The following CCDC187 variants were observed in gnomAD, a reference collection of about 807,000 sequenced individuals.
CCDC187 encodes coiled-coil domain-containing protein 187.
Under a neutral mutation model 38.0 loss-of-function variants are expected in CCDC187, and 32 were observed. The observed-to-expected ratio is 0.84, with a 90% CI of 0.64 to 1.13. The LOEUF (loss-of-function observed/expected upper bound fraction) is 1.13, where lower values mean the gene tolerates loss of function less well. CCDC187 is among the 50% of genes most tolerant of loss of function. The pLI, the probability that CCDC187 is intolerant of heterozygous loss-of-function variation, is 0.00. For synonymous variants in CCDC187, 333 were observed against 347.9 expected (o/e 0.96, Z 0.48); for missense variants, 707 against 786.8 (o/e 0.90, Z 1.21).
At chr9:136,293,393 A>C (rs1266636547) in intron 4 of CCDC187, among the ~76,000 whole-genome samples, 2 of 117,996 alleles carry the variant, frequency 1.7e-5, no homozygotes, top group African/African-American at 3.1e-5. Context: ...TCACATGCTC[A>C]CACACTCACA....
At position 136,257,691 on chromosome 9, in the gene CCDC187, G is replaced by A. The variant is rs1437265452; in HGVS notation, c.4367-850C>T. On this transcript the variant is annotated intron_variant, in intron 22 of 25. Coordinates refer to ENST00000638797, the MANE Select transcript of CCDC187 (RefSeq NM_001378188.1). This position sits in a 1 kb window ranked among gnomAD's most constrained non-coding sequence, Gnocchi z 4.5. ...GTTCTGTGGGGTCAGGGGACTCTGA[G>A]AGCCAAGGCCACCTGGCTAAGGGAA... Among the ~76,000 whole-genome samples, 1 of 152,186 alleles carries A rather than the reference G, an allele frequency of 6.6e-6. No homozygotes were observed. Among genetic ancestry groups the A allele is most frequent in the Non-Finnish European group, 1.5e-5 (1 of 68,018 alleles).
rs1831450804 is a variant in CCDC187 at position 136,293,853 on chromosome 9, CAT to C, written c.833-1560_833-1559del. 2.6e-5 allele frequency among the ~76,000 whole-genome samples: 2 copies of C among 76,518 alleles called. 1 individual carries two copies. The highest frequency in any genetic ancestry group is 7.5e-4 in the South Asian group (2 of 2,674). 50.2% of individuals were successfully genotyped at this position (76,518 alleles called of 152,430 possible). ...ACTACCACACACTCGTTCTCACACA[CAT>C]TCAGTCTCATATGCTCTCTGACTCA... On this transcript the variant is annotated intron_variant, in intron 4 of 25. Transcript: ENST00000638797.
intron 24 of CCDC187, 131 bp downstream of exon 24, chr9:136,256,080 G>C (rs1214455919): frequency 2.0e-5 from 7 of 357,874 alleles, no homozygotes; most frequent in African/African-American, 1.5e-4. Flanking sequence ...GTGGGTGCAG[G>C]GCTGTGCCCC....
At position 136,293,237 on chromosome 9, in the gene CCDC187, T is replaced by TTACACACTCACTCATGCCACA. The variant is rs1831392280; in HGVS notation, c.833-943_833-942insTGTGGCATGAGTGAGTGTGTA. Among the ~76,000 whole-genome samples, 148 of 119,738 alleles carry TTACACACTCACTCATGCCACA rather than the reference T, an allele frequency of 1.2e-3. 3 individuals are homozygous for TTACACACTCACTCATGCCACA. Among genetic ancestry groups the TTACACACTCACTCATGCCACA allele is most frequent in the Admixed American group, 3.5e-3 (41 of 11,610 alleles). 78.6% of individuals were successfully genotyped at this position (119,738 alleles called of 152,430 possible). A position where few individuals can be genotyped will look rare whatever the true frequency, so the allele number is the denominator to read the frequency against. ...TGCTCACACACTCACACTCACACGC[T>TTACACACTCACTCATGCCACA]CACACTCACATGCTTACACACTCAC... On this transcript the variant is annotated intron_variant, in intron 4 of 25. Transcript: ENST00000638797.
intron 3 of CCDC187, among the ~76,000 whole-genome samples, chr9:136,299,406 C>G (rs967179981): frequency 6.6e-6 from 1 of 152,198 alleles, no homozygotes; most frequent in Non-Finnish European, 1.5e-5. Context: ...GCAACTGTCC[C>G]CACAAAAACG....
intron 2 of CCDC187, among the ~76,000 whole-genome samples, chr9:136,302,055 C>T (rs1436148208): frequency 2.0e-5 from 3 of 151,916 alleles, no homozygotes; most frequent in Admixed American, 6.6e-5. Flanking sequence ...ACTAAAAATA[C>T]GAAAATTAGC....
chr9:136,287,543 C>T (rs1259627238), intron 7 of CCDC187, among the ~76,000 whole-genome samples: 1 of 152,210 alleles, frequency 6.6e-6, no homozygotes, highest in African/African-American at 2.4e-5. Flanking sequence ...ATACGCAAGA[C>T]CCCAACTTTA....
chr9:136,273,496 G>C (rs797029364), intron 14 of CCDC187, among the ~76,000 whole-genome samples: 2 of 152,344 alleles, frequency 1.3e-5, no homozygotes, highest in African/African-American at 4.8e-5. Flanking sequence ...TATGGGCCTG[G>C]TGTCAGAGCT....
chr9:136,258,261 A>G lies in CCDC187; in HGVS notation c.4366+671T>C, dbSNP rs1408162600. On this transcript the variant is annotated intron_variant, in intron 22 of 25. Transcript: ENST00000638797. This position sits in a 1 kb window ranked among gnomAD's most constrained non-coding sequence, Gnocchi z 4.3. Reference sequence around the variant, plus strand: ...TTCTGATCTCTTTCCGTCTCAACCCATCTGTCCTGAGGTTTGCTCTCCCTG... The same window carrying G: ...TTCTGATCTCTTTCCGTCTCAACCCGTCTGTCCTGAGGTTTGCTCTCCCTG... 6.6e-6 allele frequency among the ~76,000 whole-genome samples: 1 copy of G among 151,732 alleles called. No individual in the cohort carries two copies. The highest frequency in any genetic ancestry group is 1.5e-5 in the Non-Finnish European group (1 of 67,872).
Position 136,291,441 on chromosome 9 carries a change from G to C in CCDC187, c.1172C>G (p.Ala391Gly), listed in dbSNP as rs954836278. Residue 391 changes from alanine (A) to glycine (G), a missense_variant, in exon 6 of 26, where the codon GCC becomes GGC. Physicochemically the swap from Ala to Gly is moderately conservative, Grantham distance 60 (BLOSUM62 0). Coordinates refer to ENST00000638797, the MANE Select transcript of CCDC187 (RefSeq NM_001378188.1). ...QIQAGLELAQARKGGQELGPS... is the reference protein window; with the variant it reads ...QIQAGLELAQGRKGGQELGPS... ...CCCGAGCTCTTGCCCTCCCTTGCGG[G>C]CCTGGGCCAGCTCCAGCCCAGCCTG... The C allele has an allele frequency of 6.3e-5, 25 of 398,830 alleles. No individual in the cohort carries two copies. The East Asian group carries it at 8.2e-4, about 13-fold the overall frequency. 24.7% of individuals were successfully genotyped at this position (398,830 alleles called of 1,614,324 possible). A position where few individuals can be genotyped will look rare whatever the true frequency, so the allele number is the denominator to read the frequency against.
intron 12 of CCDC187, among the ~76,000 whole-genome samples, chr9:136,275,637 C>T (rs1020241721): frequency 7.0e-4 from 106 of 152,340 alleles, no homozygotes; most frequent in Non-Finnish European, 7.2e-4. Context: ...AGGTCACAGC[C>T]GTCAGCCACC....
chr9:136,255,772 G>T (rs1310145889), intron 24 of CCDC187, 39 bp from the exon 25 acceptor site: 1 of 962,710 alleles, frequency 1.0e-6, no homozygotes, highest in Non-Finnish European at 1.2e-6. Context: ...GGGGATCCTG[G>T]TCCTCCTGGC....
Position 136,262,373 on chromosome 9 carries a change from G to GC in CCDC187, c.4001dup (p.Cys1334TrpfsTer26). The GC allele has an allele frequency of 1.0e-6, 1 of 986,892 alleles. No homozygotes were observed. Among genetic ancestry groups the GC allele is most frequent in the Non-Finnish European group, 1.2e-6 (1 of 831,062 alleles). The allele number at this position is 986,892 out of a possible 1,614,324, so 61.1% of individuals were successfully genotyped here. A position where few individuals can be genotyped will look rare whatever the true frequency, so the allele number is the denominator to read the frequency against. ...GATGGCTGGTGGAGCTGCTGGGCCT[G>GC]CATGGGGTCAGGGGACACAGGGAGG... On this transcript the variant is annotated frameshift_variant, in exon 19 of 26. Transcript: ENST00000638797. LOFTEE classifies it high-confidence loss of function.
intron 18 of CCDC187, among the ~76,000 whole-genome samples, chr9:136,263,107 C>T (rs1830698369): frequency 6.6e-6 from 1 of 151,830 alleles, no homozygotes; most frequent in Admixed American, 6.6e-5. Context: ...CACCTGAAGT[C>T]TGGCTCTGCT....
At chr9:136,293,463 A>ACACT (rs1160250683) in intron 4 of CCDC187, among the ~76,000 whole-genome samples, 6 of 28,930 alleles carry the variant, frequency 2.1e-4, no homozygotes, top group Non-Finnish European at 3.6e-4. Flanking sequence ...TCACACTCAC[A>ACACT]CTCACATGCT....
intron 8 of CCDC187, 86 bp from the exon 9 acceptor site, chr9:136,285,692 C>G: frequency 2.5e-6 from 1 of 398,622 alleles, no homozygotes; most frequent in Admixed American, 4.4e-5. Flanking sequence ...AGGAGAGGAG[C>G]CTGAGACACA....
rs988580060 is a variant in CCDC187, at chr9:136,254,408, C to T, written c.5420G>A (p.Arg1807Gln). The change falls in exon 26 of 26, where the codon CGG becomes CAG. Residue 1807 changes from arginine (R) to glutamine (Q), a missense_variant. Arg to Gln is a conservative substitution (Grantham distance 43, BLOSUM62 1). Transcript: ENST00000638797. Reference sequence around the variant, plus strand: ...AGAAGCTTCCCGCCCCTCCCCGGACCGTGGGGAGGGAGGAGCCACCTGGGG... The same window carrying T: ...AGAAGCTTCCCGCCCCTCCCCGGACTGTGGGGAGGGAGGAGCCACCTGGGG... ...VEPQVAPPSP[R>Q]SGEGREASGT... 8 of 984,886 alleles carry T rather than the reference C, an allele frequency of 8.1e-6. No individual in the cohort carries two copies. The highest frequency in any genetic ancestry group is 3.5e-5 in the African/African-American group (2 of 57,176). The allele number at this position is 984,886 out of a possible 1,614,324, so 61.0% of individuals were successfully genotyped here.
In CCDC187 at chr9:136,300,588, A is replaced by G. The variant is rs1306645620; in HGVS notation, c.626-270T>C. On this transcript the variant is annotated intron_variant, in intron 2 of 25. Transcript: ENST00000638797. ...GCCACCACGCTTGGCTAATTTTTGT[A>G]TTTCAAAAGACTTTTTTTTTTTTTT... Among the ~76,000 whole-genome samples, 21 of 121,146 alleles carry G rather than the reference A, an allele frequency of 1.7e-4. No homozygotes were observed. The East Asian group carries it at 2.8e-3, about 16-fold the overall frequency. 79.5% of individuals were successfully genotyped at this position (121,146 alleles called of 152,430 possible). A position where few individuals can be genotyped will look rare whatever the true frequency, so the allele number is the denominator to read the frequency against.
rs940563576 is a variant in CCDC187 at position 136,250,207 on chromosome 9, C to G, written c.*3387G>C. On this transcript the variant is annotated 3_prime_UTR_variant, in exon 26 of 26. Coordinates refer to ENST00000638797, the MANE Select transcript of CCDC187 (RefSeq NM_001378188.1). ...CTCAGAGTAACCTGACGGCTCCGGC[C>G]CCCTCCAGGGCCGCTGTCCTTGGAA... 3.1e-5 allele frequency: 5 copies of G among 162,098 alleles called. No individual in the cohort carries two copies. The highest frequency in any genetic ancestry group is 5.7e-5 in the Admixed American group (1 of 17,592). The allele number at this position is 162,098 out of a possible 1,614,324, so 10.0% of individuals were successfully genotyped here.
Sources: gnomAD v4.1 joint callset for allele counts (sites outside exome capture counted in the v4.1 genomes callset) on GRCh38, gnomAD v4.1.1 for gene constraint, Gnocchi (gnomAD v3.1) non-coding constraint, MANE v1.5 for transcripts, NCBI Gene and HGNC (gene_info 2026-07-23, HGNC 2026-07-21) for gene names.